Variants in FHOD3 observed in about 807,000 individuals in gnomAD.
FHOD3 encodes formin homology 2 domain containing 3.
FHOD3 carries 90 observed loss-of-function variants against 173.0 expected under a neutral mutation model. The observed-to-expected ratio is 0.52, with a 90% CI of 0.44 to 0.62. The LOEUF is 0.62. Ranked by LOEUF, FHOD3 falls within the 20% of genes least tolerant of loss-of-function variation. The pLI is 0.00. For synonymous variants in FHOD3, 828 were observed against 823.0 expected (o/e 1.01, Z -0.10); for missense variants, 1,945 against 2,034.7 (o/e 0.96, Z 0.85).
rs1555686575 is a variant in FHOD3 at position 36,380,578 on chromosome 18, T to TTTTCTTTTCC, written c.337+7838_337+7839insTTTTCCTTTC. ...TTTTCTTTTCTTTTCTTTTCTTTTCTTTTCCTTTCCTTTCCTTTCCTTTCC... is the reference window on the plus strand; with the variant it reads ...TTTTCTTTTCTTTTCTTTTCTTTTCTTTTCTTTTCCTTTCCTTTCCTTTCCTTTCCTTTCC... On this transcript the variant is annotated intron_variant, in intron 3 of 28. Transcript: ENST00000590592. Among the ~76,000 whole-genome samples the TTTTCTTTTCC allele has an allele frequency of 1.9e-3, 99 of 52,454 alleles. 1 individual carries two copies. The highest frequency in any genetic ancestry group is 4.4e-3 in the African/African-American group (54 of 12,302). The allele number at this position is 52,454 out of a possible 152,430, so 34.4% of individuals were successfully genotyped here. A position where few individuals can be genotyped will look rare whatever the true frequency, so the allele number is the denominator to read the frequency against.
chr18:36,307,763 T>C (rs2092141438), intron 1 of FHOD3, among the ~76,000 whole-genome samples: 1 of 152,214 alleles, frequency 6.6e-6, no homozygotes, highest in Admixed American at 6.5e-5. Flanking sequence ...CAAGGATTTC[T>C]CCCTTATACA....
chr18:36,370,277 A>C (rs947821652), intron 2 of FHOD3, among the ~76,000 whole-genome samples: 2 of 152,170 alleles, frequency 1.3e-5, no homozygotes, highest in East Asian at 1.9e-4. Context: ...TAGGAGCTAG[A>C]ATATTGAAGC....
intron 24 of FHOD3, among the ~76,000 whole-genome samples, chr18:36,754,721 A>G (rs947424015): frequency 6.6e-6 from 1 of 151,832 alleles, no homozygotes; most frequent in African/African-American, 2.4e-5. Flanking sequence ...AAATGGTGCA[A>G]TACTTTTCGA....
intron 10 of FHOD3, among the ~76,000 whole-genome samples, chr18:36,627,572 G>T (rs983582150): frequency 6.6e-6 from 1 of 152,094 alleles, no homozygotes; most frequent in African/African-American, 2.4e-5. Context: ...CACTTTACTG[G>T]AATTATTACT....
In FHOD3 at chr18:36,746,961, T is replaced by C. The variant is rs111659891; in HGVS notation, c.4058T>C (p.Leu1353Pro). 6.2e-7 allele frequency: 1 copy of C among 1,610,580 alleles called. No individual in the cohort carries two copies. The highest frequency in any genetic ancestry group is 8.5e-7 in the Non-Finnish European group (1 of 1,178,856). Residue 1353 changes from leucine (L) to proline (P), a missense_variant, in exon 24 of 29, where the codon CTT becomes CCT. Around this residue, in one of 5 missense-constraint regions of FHOD3, gnomAD observed 354 missense variants for 359.9 expected, o/e 0.98. Transcript: ENST00000590592. ...TRSAKVDFDQ[L>P]QDNLCQMERR... ...GATTTTCAGGTTGACTTTGATCAAC[T>C]TCAGGATAATTTATGTCAGATGGAG...
intron 28 of FHOD3, chr18:36,779,244 C>A (rs2150498109): frequency 3.5e-6 from 2 of 576,350 alleles, no homozygotes; most frequent in Non-Finnish European, 6.2e-6. Flanking sequence ...GTTAGGCCAG[C>A]CTGTGTAGCC....
chr18:36,728,104 AC>A, intron 19 of FHOD3, among the ~76,000 whole-genome samples: 1 of 152,116 alleles, frequency 6.6e-6, no homozygotes, highest in East Asian at 1.9e-4. Context: ...AAAAGCCAGA[AC>A]CAAGTCATGG....
At chr18:36,312,702 ATATT>A (rs1315858664) in intron 1 of FHOD3, among the ~76,000 whole-genome samples, 2 of 152,172 alleles carry the variant, frequency 1.3e-5, no homozygotes, top group African/African-American at 4.8e-5. Flanking sequence ...TGCTCAATAA[ATATT>A]TATTGAATGA....
chr18:36,353,951 T>C (rs1385140049), intron 1 of FHOD3, among the ~76,000 whole-genome samples: 1 of 143,780 alleles, frequency 7.0e-6, no homozygotes, highest in South Asian at 2.1e-4. Context: ...CTCCTCTGCA[T>C]CTGGCCATAG....
chr18:36,391,783 C>G (rs903955939), intron 3 of FHOD3, among the ~76,000 whole-genome samples: 1 of 152,098 alleles, frequency 6.6e-6, no homozygotes, highest in Non-Finnish European at 1.5e-5. Context: ...ACCTCCTGCC[C>G]CTCCAGCTTT....
intron 20 of FHOD3, among the ~76,000 whole-genome samples, chr18:36,734,316 C>A (rs1033772670): frequency 6.6e-6 from 1 of 152,160 alleles, no homozygotes; most frequent in Non-Finnish European, 1.5e-5. Context: ...GGAGGCTGTC[C>A]TGTGCATTAT....
chr18:36,627,367 G>A (rs1460420272), intron 10 of FHOD3, among the ~76,000 whole-genome samples: 13 of 152,110 alleles, frequency 8.5e-5, no homozygotes. Context: ...GTTTCTTGCT[G>A]TTACACTTTT....
chr18:36,462,541 A>C (rs143792495), intron 3 of FHOD3, among the ~76,000 whole-genome samples: 7,538 of 152,006 alleles, frequency 0.05, 580 homozygotes, highest in African/African-American at 0.17. Context: ...CTGTGTTAGC[A>C]AGGATGGTCT....
intron 20 of FHOD3, among the ~76,000 whole-genome samples, chr18:36,731,448 A>T (rs543044774): frequency 6.6e-6 from 1 of 152,282 alleles, no homozygotes; most frequent in South Asian, 2.1e-4. Flanking sequence ...CTCTTATTAT[A>T]ATAATGAAAA....
At chr18:36,601,467 C>T (rs1430348282) in intron 7 of FHOD3, among the ~76,000 whole-genome samples, 1 of 152,166 alleles carries the variant, frequency 6.6e-6, no homozygotes, top group Non-Finnish European at 1.5e-5. Context: ...TTCCTGCCTT[C>T]TCAGAGATCT....
chr18:36,560,514 T>A (rs780568089), intron 5 of FHOD3, among the ~76,000 whole-genome samples: 4 of 152,218 alleles, frequency 2.6e-5, no homozygotes, highest in African/African-American at 4.8e-5. Flanking sequence ...AAAGCTCTTG[T>A]GGAGTAACGG....
chr18:36,333,979 C>A (rs1329054133), intron 1 of FHOD3, among the ~76,000 whole-genome samples: 1 of 152,172 alleles, frequency 6.6e-6, no homozygotes, highest in African/African-American at 2.4e-5. Flanking sequence ...ATATTCCTGG[C>A]CAAGGTCAGA....
chr18:36,742,946 C>A, intron 22 of FHOD3, 90 bp downstream of exon 22: 1 of 1,488,210 alleles, frequency 6.7e-7, no homozygotes, highest in Non-Finnish European at 9.0e-7. Context: ...CCTCAGGTTC[C>A]CCAAAGCACA....
At chr18:36,414,442 A>G (rs988699867) in intron 3 of FHOD3, among the ~76,000 whole-genome samples, 4 of 152,170 alleles carry the variant, frequency 2.6e-5, no homozygotes, top group Non-Finnish European at 5.9e-5. Flanking sequence ...ATTTCCATCC[A>G]TTATTACATT....
Sources: gnomAD v4.1 joint callset for allele counts (sites outside exome capture counted in the v4.1 genomes callset) on GRCh38, gnomAD v4.1.1 for gene constraint, gnomAD v4.1.1 regional missense constraint, MANE v1.5 for transcripts, NCBI Gene and HGNC (gene_info 2026-07-23, HGNC 2026-07-21) for gene names.